The following LANCL3 variants were observed in gnomAD, a reference collection of about 807,000 sequenced individuals.
LANCL3 encodes the protein lanC-like protein 3.
LANCL3 carries 19 observed loss-of-function variants against 26.5 expected under a neutral mutation model. The ratio of observed to expected loss-of-function variants is 0.72; its 90% confidence interval spans 0.50 to 1.05. The LOEUF (loss-of-function observed/expected upper bound fraction) is 1.05, where lower values mean the gene tolerates loss of function less well. Among genes scored for constraint, LANCL3 ranks in the 50% least tolerant of loss-of-function variants. The pLI, the probability that LANCL3 is intolerant of heterozygous loss-of-function variation, is 0.00. For missense variants in LANCL3, 318 were observed against 362.7 expected, an observed-to-expected ratio of 0.88 and a Z score of 1.00; for synonymous variants, 160 against 166.6, an observed-to-expected ratio of 0.96 and a Z score of 0.30.
At chrX:37,576,996 T>C (rs1923768563) in intron 1 of LANCL3, among the ~76,000 whole-genome samples, 1 of 112,331 alleles carries the variant, frequency 8.9e-6, no homozygotes, top group Non-Finnish European at 1.9e-5. Context: ...GAAGGAGACA[T>C]GAGCAGGGTA....
chrX:37,602,936 AC>A (rs199835432), intron 1 of LANCL3, among the ~76,000 whole-genome samples: 5,318 of 111,688 alleles, frequency 0.048, 331 homozygotes, highest in African/African-American at 0.16. Context: ...TAGTCTAGTC[AC>A]CGGATAAAAA....
intron 4 of LANCL3, among the ~76,000 whole-genome samples, chrX:37,670,320 T>C (rs571752408): frequency 6.3e-5 from 7 of 111,942 alleles, no homozygotes; most frequent in African/African-American, 1.9e-4. Flanking sequence ...GTAGCCTTTG[T>C]CATACCAAAG....
At chrX:37,574,054 C>CA (rs34987799) in intron 1 of LANCL3, among the ~76,000 whole-genome samples, 2,039 of 32,869 alleles carry the variant, frequency 0.062, 54 homozygotes, top group East Asian at 0.27. Flanking sequence ...TCAAGGATAG[C>CA]AAAAAAAAAA....
At chrX:37,652,456 A>G (rs1926175291) in intron 1 of LANCL3, among the ~76,000 whole-genome samples, 1 of 112,141 alleles carries the variant, frequency 8.9e-6, no homozygotes, top group African/African-American at 3.2e-5. Context: ...AGTAAAGTGA[A>G]TCAGTTAAAC....
intron 4 of LANCL3, among the ~76,000 whole-genome samples, chrX:37,673,969 T>C (rs1454695185): frequency 8.9e-6 from 1 of 111,967 alleles, no homozygotes; most frequent in Non-Finnish European, 1.9e-5. Context: ...GCTTGCTATA[T>C]TCTCAGAACC....
intron 1 of LANCL3, among the ~76,000 whole-genome samples, chrX:37,599,046 G>T (rs907764225): frequency 8.9e-6 from 1 of 112,156 alleles, no homozygotes; most frequent in African/African-American, 3.2e-5. Flanking sequence ...TAGGAAAAGG[G>T]ACTTCGAAGT....
intron 4 of LANCL3, among the ~76,000 whole-genome samples, chrX:37,673,919 A>T (rs1333794452): frequency 8.9e-6 from 1 of 111,795 alleles, no homozygotes; most frequent in African/African-American, 3.2e-5. Context: ...TTCTTTTATT[A>T]TATGTTTATG....
intron 1 of LANCL3, among the ~76,000 whole-genome samples, chrX:37,592,293 G>A (rs1156834271): frequency 8.9e-6 from 1 of 112,479 alleles, no homozygotes. Context: ...GTCTCATCAC[G>A]CTGTGCTAAA....
At chrX:37,644,276 AG>A (rs1925937386) in intron 1 of LANCL3, among the ~76,000 whole-genome samples, 1 of 111,931 alleles carries the variant, frequency 8.9e-6, no homozygotes, top group African/African-American at 3.3e-5. Context: ...ACAGCTACTG[AG>A]TCAGAATCTC....
intron 1 of LANCL3, among the ~76,000 whole-genome samples, chrX:37,634,092 C>T (rs782092041): frequency 1.8e-5 from 2 of 112,761 alleles, no homozygotes; most frequent in African/African-American, 6.4e-5. Context: ...CCACCCAGTT[C>T]GAGCTTCCGG....
At position 37,679,613 on chromosome X, in the gene LANCL3, C is replaced by T. The variant is rs12393823; in HGVS notation, c.*3800C>T. The T allele has an allele frequency of 0.17, 19,156 of 110,947 alleles. 1,199 individuals are homozygous for T. The highest frequency in any genetic ancestry group is 0.19 in the South Asian group (507 of 2,619). 9.1% of individuals were successfully genotyped at this position (110,947 alleles called of 1,213,427 possible). On this transcript the variant is annotated 3_prime_UTR_variant, in exon 5 of 5. Transcript: ENST00000378619. ...TGCACTTTAATTCAAGTCTCAGAAC[C>T]ACGTGACATATAGTGATCAAAATAT...
chrX:37,681,569 A>T lies in LANCL3; in HGVS notation c.*5756A>T, dbSNP rs1926936359. ...ATGAGCTGCCCTGTGGAAAAATTTA[A>T]TCTGTGATTAAATAAGTTAGGAAAG... On this transcript the variant is annotated 3_prime_UTR_variant, in exon 5 of 5. Coordinates refer to ENST00000378619, the MANE Select transcript of LANCL3 (RefSeq NM_001170331.2). The T allele has an allele frequency of 8.9e-6, 1 of 112,401 alleles. No homozygotes were observed. Among genetic ancestry groups the T allele is most frequent in the East Asian group, 2.8e-4 (1 of 3,618 alleles). The allele number at this position is 112,401 out of a possible 1,213,427, so 9.3% of individuals were successfully genotyped here. A position where few individuals can be genotyped will look rare whatever the true frequency, so the allele number is the denominator to read the frequency against.
chrX:37,589,236 A>G (rs1289277980), intron 1 of LANCL3, among the ~76,000 whole-genome samples: 3 of 112,418 alleles, frequency 2.7e-5, no homozygotes, highest in Non-Finnish European at 5.6e-5. Context: ...CAATGAAGAC[A>G]TTAAAGCATG....
At chrX:37,638,711 A>C (rs1286390912) in intron 1 of LANCL3, among the ~76,000 whole-genome samples, 1 of 111,791 alleles carries the variant, frequency 8.9e-6, no homozygotes, top group Non-Finnish European at 1.9e-5. Flanking sequence ...TGTGCATTTC[A>C]TACATCTATT....
Position 37,662,514 on chromosome X carries a change from G to T in LANCL3, c.895+2855G>T, listed in dbSNP as rs1175411759. 3.6e-5 allele frequency among the ~76,000 whole-genome samples: 4 copies of T among 111,861 alleles called. No individual in the cohort carries two copies. The Admixed American group carries it at 3.8e-4, about 11-fold the overall frequency. On this transcript the variant is annotated intron_variant, in intron 3 of 4. Coordinates refer to ENST00000378619, the MANE Select transcript of LANCL3 (RefSeq NM_001170331.2). ...GTCATTAAGCTCTGTAGTGCGCACTGTACAATGCATGCCTCAGCGGAATTA... is the reference window on the plus strand; with the variant it reads ...GTCATTAAGCTCTGTAGTGCGCACTTTACAATGCATGCCTCAGCGGAATTA...
At chrX:37,587,269 T>C (rs1924121891) in intron 1 of LANCL3, among the ~76,000 whole-genome samples, 2 of 112,661 alleles carry the variant, frequency 1.8e-5, no homozygotes, top group Non-Finnish European at 3.8e-5. Flanking sequence ...AGGCAGTCTG[T>C]CCGTTCTCAG....
chrX:37,643,315 A>T (rs1297634661), intron 1 of LANCL3, among the ~76,000 whole-genome samples: 1 of 112,497 alleles, frequency 8.9e-6, no homozygotes, highest in Non-Finnish European at 1.9e-5. Context: ...CTAAGAAATT[A>T]AACTGCTGAA....
chrX:37,658,661 G>A (rs1411847050), intron 2 of LANCL3, among the ~76,000 whole-genome samples: 5 of 111,674 alleles, frequency 4.5e-5, no homozygotes, highest in African/African-American at 1.6e-4. Flanking sequence ...TCATACTCCT[G>A]GTACACATTG....
chrX:37,643,062 A>G (rs1448869529), intron 1 of LANCL3, among the ~76,000 whole-genome samples: 1 of 112,076 alleles, frequency 8.9e-6, no homozygotes, highest in Non-Finnish European at 1.9e-5. Context: ...ATGATGTGAA[A>G]TAGTCAACAA....
Sources: allele counts gnomAD v4.1 joint callset (sites outside exome capture counted in the v4.1 genomes callset), GRCh38; gene constraint gnomAD v4.1.1; transcripts MANE v1.5; gene names NCBI Gene and HGNC (gene_info 2026-07-23, HGNC 2026-07-21).